The following GSE1 variants were observed in gnomAD, a reference collection of about 807,000 sequenced individuals.
The protein encoded by GSE1 is genetic suppressor element 1.
In GSE1, 32 loss-of-function variants were observed where a neutral mutation model predicts 112.6. The ratio of observed to expected loss-of-function variants is 0.28; its 90% CI spans 0.21 to 0.38. The LOEUF (loss-of-function observed/expected upper bound fraction) is 0.38. GSE1 is among the 10% of genes least tolerant of loss of function. The pLI is 1.00. For synonymous variants in GSE1, 1,115 were observed against 735.6 expected, an observed-to-expected ratio of 1.52 and a Z score of -8.35; for missense variants, 2,348 against 1,699.2, an observed-to-expected ratio of 1.38 and a Z score of -6.71.
chr16:85,641,419 T>C (rs1012859797), intron 2 of GSE1, among the ~76,000 whole-genome samples: 3 of 151,078 alleles, frequency 2.0e-5, no homozygotes, highest in Admixed American at 1.3e-4. Context: ...CGCCACTGGC[T>C]GACGCCCCCC....
chr16:85,172,257 G>C (rs781323137), intron 1 of GSE1, among the ~76,000 whole-genome samples: 3 of 152,212 alleles, frequency 2.0e-5, no homozygotes, highest in Non-Finnish European at 4.4e-5. Flanking sequence ...CTCCGTTCTA[G>C]CTCCCGTGTG....
intron 2 of GSE1, among the ~76,000 whole-genome samples, chr16:85,480,706 C>T (rs1365155974): frequency 6.6e-6 from 1 of 152,052 alleles, no homozygotes; most frequent in East Asian, 1.9e-4. Flanking sequence ...GCAGGGGTGG[C>T]CAAGGTCCCT....
At chr16:85,502,321 G>A (rs1412182983) in intron 2 of GSE1, among the ~76,000 whole-genome samples, 1 of 151,954 alleles carries the variant, frequency 6.6e-6, no homozygotes, top group African/African-American at 2.4e-5. Context: ...TGTGGGTAGC[G>A]CCGTGGGTAG....
chr16:85,274,293 G>A (rs1333998873), intron 1 of GSE1, among the ~76,000 whole-genome samples: 7 of 152,084 alleles, frequency 4.6e-5, no homozygotes, highest in Admixed American at 4.6e-4. Context: ...GCTGAGGCAG[G>A]AGAATCGCTT....
At chr16:85,572,615 A>G (rs1191973240) in intron 1 of GSE1, among the ~76,000 whole-genome samples, 1 of 152,160 alleles carries the variant, frequency 6.6e-6, no homozygotes, top group Non-Finnish European at 1.5e-5. Flanking sequence ...CTTCTTTTCC[A>G]GAGCAGGTTA....
At chr16:85,347,639 G>C (rs35375289) in intron 1 of GSE1, among the ~76,000 whole-genome samples, 41,314 of 148,632 alleles carry the variant, frequency 0.28, 6,058 homozygotes, top group Non-Finnish European at 0.34. Context: ...TGTTTCTGTC[G>C]CCAGTGACCT....
intron 1 of GSE1, among the ~76,000 whole-genome samples, chr16:85,334,474 G>A (rs989710045): frequency 2.0e-5 from 3 of 152,296 alleles, no homozygotes; most frequent in African/African-American, 7.2e-5. Flanking sequence ...CTCCTCTCCC[G>A]GCATCCCTTC....
At chr16:85,609,270 G>C (rs1482735907), upstream of GSE1, among the ~76,000 whole-genome samples, 2 of 152,206 alleles carry the variant, frequency 1.3e-5, no homozygotes, top group Non-Finnish European at 2.9e-5. Context: ...ACAAGGTCTT[G>C]CTCTGTGGCT....
chr16:85,495,948 A>G (rs1290638007), intron 2 of GSE1, among the ~76,000 whole-genome samples: 1 of 152,166 alleles, frequency 6.6e-6, no homozygotes, highest in Non-Finnish European at 1.5e-5. Context: ...GGGGTGATTC[A>G]TCGAGCATCC....
chr16:85,455,907 C>G (rs150346844), intron 2 of GSE1, among the ~76,000 whole-genome samples: 1 of 152,386 alleles, frequency 6.6e-6, no homozygotes, highest in Non-Finnish European at 1.5e-5. Context: ...GACCCACCCC[C>G]ACCTCTGGGG....
At chr16:85,529,194 G>T (rs2052467262) in intron 2 of GSE1, among the ~76,000 whole-genome samples, 1 of 152,118 alleles carries the variant, frequency 6.6e-6, no homozygotes, top group Admixed American at 6.5e-5. Context: ...TGGAGTGGGG[G>T]TGGGGGTGTC....
At chr16:85,669,960 C>T (rs2053195335) in intron 14 of GSE1, among the ~76,000 whole-genome samples, 1 of 152,226 alleles carries the variant, frequency 6.6e-6, no homozygotes, top group Admixed American at 6.5e-5. Context: ...CATGGCTTTC[C>T]CCCAAGGACT....
At chr16:85,181,922 T>G (rs1431549893) in intron 1 of GSE1, among the ~76,000 whole-genome samples, 1 of 152,188 alleles carries the variant, frequency 6.6e-6, no homozygotes, top group Non-Finnish European at 1.5e-5. Context: ...CCCTTTGAGC[T>G]GGCGCGTCCT....
intron 1 of GSE1, among the ~76,000 whole-genome samples, chr16:85,351,261 GGAATTCTCTGTCCAGC>G: frequency 6.6e-6 from 1 of 152,298 alleles, no homozygotes. Context: ...CCTGGAGAAG[GGAATTCTCTGTCCAGC>G]AGCCCCTGGG....
intron 1 of GSE1, among the ~76,000 whole-genome samples, chr16:85,630,856 T>TCTTGGG (rs2049482917): frequency 6.6e-6 from 1 of 152,132 alleles, no homozygotes; most frequent in African/African-American, 2.4e-5. Flanking sequence ...ACGCTAGGCC[T>TCTTGGG]CTTGGGCTTG....
chr16:85,326,671 T>C (rs558304084), intron 1 of GSE1, among the ~76,000 whole-genome samples: 11 of 152,342 alleles, frequency 7.2e-5, no homozygotes, highest in African/African-American at 2.6e-4. Context: ...TTAAACCTCT[T>C]TTCTTTATCA....
chr16:85,350,532 A>G (rs2170846), intron 1 of GSE1, among the ~76,000 whole-genome samples: 52,759 of 151,908 alleles, frequency 0.35, 9,972 homozygotes, highest in African/African-American at 0.49. Context: ...GGTGTGAGGG[A>G]CACTGGACAG....
chr16:85,213,111 T>A (rs1451059842), intron 1 of GSE1, among the ~76,000 whole-genome samples: 1 of 151,594 alleles, frequency 6.6e-6, no homozygotes, highest in Non-Finnish European at 1.5e-5. Flanking sequence ...TCTACTAAAA[T>A]ACAAAAAATT....
At chr16:85,472,919 A>C (rs1231804434) in intron 2 of GSE1, among the ~76,000 whole-genome samples, 1 of 152,194 alleles carries the variant, frequency 6.6e-6, no homozygotes, top group Non-Finnish European at 1.5e-5. Flanking sequence ...TGGCTCCTCC[A>C]ACTGAGGCTC....
Sources: allele counts gnomAD v4.1 joint callset (sites outside exome capture counted in the v4.1 genomes callset), GRCh38; gene constraint gnomAD v4.1.1; transcripts MANE v1.5; gene names NCBI Gene and HGNC (gene_info 2026-07-23, HGNC 2026-07-21).